MERTK: variants seen among roughly 807,000 people sequenced by gnomAD.
The protein encoded by MERTK is tyrosine-protein kinase Mer.
MERTK carries 69 observed loss-of-function variants against 99.3 expected under a neutral mutation model. The observed-to-expected ratio is 0.70, with a 90% CI of 0.57 to 0.85. The LOEUF (loss-of-function observed/expected upper bound fraction) is 0.85, where lower values mean the gene tolerates loss of function less well. MERTK is among the 40% of genes least tolerant of loss of function. The pLI is 0.00. For synonymous variants in MERTK, 426 were observed against 467.6 expected (o/e 0.91, Z 1.15); for missense variants, 1,125 against 1,249.4 (o/e 0.90, Z 1.50).
rs1168711330 is a variant in MERTK, at chr2:112,009,940, A to G, written c.1961-8A>G. On this transcript the variant is annotated splice_region_variant and splice_polypyrimidine_tract_variant and intron_variant, in intron 14 of 18. Transcript: ENST00000295408. ...TCTTTGTAATTGATGCTGTGTTTGT[A>G]ATTTCAGGTGTGTGTATAGAAATGA... 6.3e-7 allele frequency: 1 copy of G among 1,587,894 alleles called. No individual in the cohort carries two copies. The highest frequency in any genetic ancestry group is 8.6e-7 in the Non-Finnish European group (1 of 1,156,386).
intron 13 of MERTK, 50 bp from the exon 14 acceptor site, chr2:112,008,333 C>T (rs1476563130): frequency 7.0e-7 from 1 of 1,437,606 alleles, no homozygotes; most frequent in South Asian, 1.1e-5. Context: ...ACCCACTCCC[C>T]TTAATTGAGT....
chr2:111,945,128 G>T, intron 3 of MERTK, 68 bp downstream of exon 3: 1 of 1,245,056 alleles, frequency 8.0e-7, no homozygotes, highest in Non-Finnish European at 1.2e-6. Context: ...TAAATGTTTT[G>T]TGTATAATAC....
intron 3 of MERTK, 103 bp from the exon 4 acceptor site, chr2:111,947,291 A>AC: frequency 8.9e-7 from 1 of 1,118,312 alleles, no homozygotes; most frequent in Non-Finnish European, 1.3e-6. Context: ...CCCCACAAAA[A>AC]AAGAAATCTA....
intron 6 of MERTK, among the ~76,000 whole-genome samples, chr2:111,972,230 C>T (rs1676137298): frequency 6.6e-6 from 1 of 152,140 alleles, no homozygotes; most frequent in Non-Finnish European, 1.5e-5. Context: ...GTAGTTTCAC[C>T]ATGTCACCCA....
At chr2:111,930,018 GTGTTCAATC>G (rs1684642197) in intron 2 of MERTK, among the ~76,000 whole-genome samples, 1 of 152,232 alleles carries the variant, frequency 6.6e-6, no homozygotes, top group Non-Finnish European at 1.5e-5. Flanking sequence ...CTGACAGTGT[GTGTTCAATC>G]TGAGCTTGGC....
At chr2:111,985,824 A>T (rs1676468559) in intron 8 of MERTK, among the ~76,000 whole-genome samples, 1 of 152,160 alleles carries the variant, frequency 6.6e-6, no homozygotes, top group East Asian at 1.9e-4. Context: ...AGTCAAAATG[A>T]GGTTTGGGTG....
intron 2 of MERTK, among the ~76,000 whole-genome samples, chr2:111,932,417 G>A (rs1375641426): frequency 6.6e-6 from 1 of 152,136 alleles, no homozygotes; most frequent in Non-Finnish European, 1.5e-5. Flanking sequence ...TCCTGACCTC[G>A]TGATCCACCC....
chr2:112,016,435 G>A (rs994701461), intron 15 of MERTK, among the ~76,000 whole-genome samples: 1 of 152,190 alleles, frequency 6.6e-6, no homozygotes, highest in African/African-American at 2.4e-5. Context: ...GAAAAATCAA[G>A]CTTTTATTCA....
intron 1 of MERTK, among the ~76,000 whole-genome samples, chr2:111,915,332 T>C (rs2104670909): frequency 6.6e-6 from 1 of 152,300 alleles, no homozygotes; most frequent in South Asian, 2.1e-4. Flanking sequence ...AAGAATTTGT[T>C]GTTTGTTTCA....
intron 8 of MERTK, among the ~76,000 whole-genome samples, chr2:111,984,629 TGA>T (rs1271733155): frequency 1.7e-4 from 26 of 152,290 alleles, no homozygotes; most frequent in African/African-American, 6.0e-4. Context: ...AGAAATTTGT[TGA>T]TAGCAGGGGA....
chr2:111,929,052 A>G (rs1363887464), intron 1 of MERTK, 68 bp from the exon 2 acceptor site: 4 of 1,573,910 alleles, frequency 2.5e-6, no homozygotes, highest in Non-Finnish European at 3.5e-6. Flanking sequence ...TTGGCCTAAG[A>G]AGTTGGGAAC....
At chr2:111,961,388 C>T (rs951117417) in intron 4 of MERTK, among the ~76,000 whole-genome samples, 18 of 151,962 alleles carry the variant, frequency 1.2e-4, no homozygotes, top group African/African-American at 4.3e-4. Flanking sequence ...GCCTCAATCT[C>T]CTGACCTCCG....
At chr2:112,005,456 C>T (rs753377034) in intron 13 of MERTK, among the ~76,000 whole-genome samples, 12 of 152,192 alleles carry the variant, frequency 7.9e-5, no homozygotes, top group Non-Finnish European at 1.5e-4. Flanking sequence ...TTGTGCTGGG[C>T]TTCTTCATTA....
chr2:111,951,395 A>G (rs1346524139), intron 4 of MERTK, among the ~76,000 whole-genome samples: 1 of 151,692 alleles, frequency 6.6e-6, no homozygotes, highest in Non-Finnish European at 1.5e-5. Flanking sequence ...TGCACATGTA[A>G]GTGAGACCAT....
At chr2:111,935,182 C>T (rs1039800225) in intron 2 of MERTK, among the ~76,000 whole-genome samples, 7 of 152,094 alleles carry the variant, frequency 4.6e-5, no homozygotes, top group Admixed American at 4.6e-4. Context: ...TCAAAATGGC[C>T]ATCCTTGCAC....
At position 111,938,672 on chromosome 2, in the gene MERTK, C is replaced by A. The variant is rs893214976; in HGVS notation, c.483-6288C>A. 5.9e-5 allele frequency among the ~76,000 whole-genome samples: 9 copies of A among 152,306 alleles called. No homozygotes were observed. The South Asian group carries it at 6.2e-4, about 11-fold the overall frequency. ...CACCATGGCTGAGTATGTGCCATTTCTTTTGTCTTCCCTCATTCAGATGTT... is the reference window on the plus strand; with the variant it reads ...CACCATGGCTGAGTATGTGCCATTTATTTTGTCTTCCCTCATTCAGATGTT... On this transcript the variant is annotated intron_variant, in intron 2 of 18. Transcript: ENST00000295408.
At chr2:111,937,731 A>G (rs1425276965) in intron 2 of MERTK, among the ~76,000 whole-genome samples, 1 of 152,106 alleles carries the variant, frequency 6.6e-6, no homozygotes, top group Non-Finnish European at 1.5e-5. Flanking sequence ...AAAAGCTGTT[A>G]TTAACCACAG....
intron 1 of MERTK, chr2:111,912,962 G>A (rs187472380): frequency 1.1e-6 from 1 of 903,300 alleles, no homozygotes; most frequent in Admixed American, 6.2e-5. Flanking sequence ...GGGAACCTCA[G>A]GATCCTCATC....
At position 112,019,208 on chromosome 2, in the gene MERTK, T is replaced by A; in HGVS notation, c.2080-205T>A. On this transcript the variant is annotated intron_variant, in intron 15 of 18. Transcript: ENST00000295408. The stretch of plus-strand genomic sequence containing the variant: ...TAAAGATGGGGAAAAGAGAATATGA[T>A]GTTTGCCAAGAAGTTTAAGGTTTTT... 4.3e-6 allele frequency: 3 copies of A among 690,144 alleles called. No homozygotes were observed. The Admixed American group carries it at 6.1e-5, about 14-fold the overall frequency. 42.8% of individuals were successfully genotyped at this position (690,144 alleles called of 1,614,324 possible). A position where few individuals can be genotyped will look rare whatever the true frequency, so the allele number is the denominator to read the frequency against.
Sources: gnomAD v4.1 joint callset for allele counts (sites outside exome capture counted in the v4.1 genomes callset) on GRCh38, gnomAD v4.1.1 for gene constraint, MANE v1.5 for transcripts, NCBI Gene and HGNC (gene_info 2026-07-23, HGNC 2026-07-21) for gene names.